The following BRD4 variants were observed in gnomAD, a reference collection of about 807,000 sequenced individuals.
The protein encoded by BRD4 is bromodomain containing 4, also known as bromodomain-containing protein 4.
BRD4 carries 16 observed loss-of-function variants against 142.1 expected under a neutral mutation model. That is an observed-to-expected ratio of 0.11 (90% CI 0.08 to 0.17). The LOEUF is 0.17. BRD4 is among the 10% of genes least tolerant of loss of function. BRD4 has a pLI of 1.00. For missense variants in BRD4, 1,424 were observed against 1,810.9 expected, an observed-to-expected ratio of 0.79 and a Z score of 3.88; for synonymous variants, 833 against 707.5, an observed-to-expected ratio of 1.18 and a Z score of -2.82.
Position 15,251,896 on chromosome 19 carries a change from G to A in BRD4, c.2158+2256C>T, listed in dbSNP as rs1466327392. Among the ~76,000 whole-genome samples, 3 of 152,182 alleles carry A rather than the reference G, an allele frequency of 2.0e-5. No homozygotes were observed. The East Asian group carries it at 5.8e-4, about 29-fold the overall frequency. On this transcript the variant is annotated intron_variant, in intron 11 of 19. Transcript: ENST00000679869. ...AGGTGGGGAGGGCGCCTGGGAAGAG[G>A]GGAAGGCCAGAGCCCAGATAGCTGC...
intron 7 of BRD4, among the ~76,000 whole-genome samples, chr19:15,263,075 G>C (rs2047491322): frequency 6.6e-6 from 1 of 152,160 alleles, no homozygotes; most frequent in African/African-American, 2.4e-5. Flanking sequence ...TCACGACTGT[G>C]ACAGCGACTT....
At chr19:15,318,083 ACT>A (rs1012307207) in intron 1 of BRD4, among the ~76,000 whole-genome samples, 17 of 152,170 alleles carry the variant, frequency 1.1e-4, no homozygotes, top group African/African-American at 2.9e-4. Flanking sequence ...CTTTCACAGA[ACT>A]CTTTCACGCA....
chr19:15,256,982 C>G lies in BRD4; in HGVS notation c.1533G>C (p.Leu511=). 3.2e-6 allele frequency: 5 copies of G among 1,578,922 alleles called. No homozygotes were observed. The highest frequency in any genetic ancestry group is 4.3e-6 in the Non-Finnish European group (5 of 1,163,200). ...CCCTCACCTGCTCCTGGAGCTCAGCCAGCCGCTGGGCTCGCTCCTCCTCAG... is the reference window on the plus strand; with the variant it reads ...CCCTCACCTGCTCCTGGAGCTCAGCGAGCCGCTGGGCTCGCTCCTCCTCAG... ...DDSEEERAQR[L]AELQEQLKAV... is the part of the protein sequence containing the mutation. The change falls in exon 8 of 20, where the codon CTG becomes CTC. Residue 511 remains leucine (L), a synonymous_variant. Transcript: ENST00000679869.
At chr19:15,281,893 C>G (rs574418334) in intron 1 of BRD4, among the ~76,000 whole-genome samples, 2 of 152,304 alleles carry the variant, frequency 1.3e-5, no homozygotes, top group East Asian at 3.9e-4. Flanking sequence ...CGGCGTGCAC[C>G]TGTAGTCCCA....
intron 1 of BRD4, among the ~76,000 whole-genome samples, chr19:15,286,535 GA>G (rs1165976171): frequency 6.6e-6 from 1 of 152,150 alleles, no homozygotes; most frequent in African/African-American, 2.4e-5. Context: ...CATTAACAGA[GA>G]AAGCAGGTAT....
intron 1 of BRD4, among the ~76,000 whole-genome samples, chr19:15,299,277 T>C (rs117559178): frequency 2.6e-5 from 4 of 152,286 alleles, no homozygotes; most frequent in Non-Finnish European, 4.4e-5. Flanking sequence ...TTAAAAAGAA[T>C]TCCCCAAGAC....
intron 1 of BRD4, among the ~76,000 whole-genome samples, chr19:15,316,155 CA>C (rs980486654): frequency 0.01 from 345 of 33,042 alleles, no homozygotes; most frequent in East Asian, 0.038. Flanking sequence ...GACACCGTCT[CA>C]AAAAAAAAAA....
At chr19:15,256,036 A>C (rs2145572639) in intron 9 of BRD4, 28 bp downstream of exon 9, 1 of 1,609,090 alleles carries the variant, frequency 6.2e-7, no homozygotes. Context: ...GAGGGTCCCC[A>C]CCCAGGACAA....
At chr19:15,297,632 T>C (rs934705832) in intron 1 of BRD4, among the ~76,000 whole-genome samples, 2 of 152,336 alleles carry the variant, frequency 1.3e-5, no homozygotes, top group East Asian at 1.9e-4. Flanking sequence ...TCACAGCAAG[T>C]TGACATCTCA....
chr19:15,257,258 C>A, intron 7 of BRD4, 85 bp from the exon 8 acceptor site: 2 of 1,319,706 alleles, frequency 1.5e-6, no homozygotes, highest in Non-Finnish European at 2.1e-6. Context: ...CTGCTGGGGC[C>A]AACTCAACAG....
intron 1 of BRD4, among the ~76,000 whole-genome samples, chr19:15,305,247 T>TA (rs1301766170): frequency 6.6e-6 from 1 of 152,136 alleles, no homozygotes; most frequent in Non-Finnish European, 1.5e-5. Context: ...TTCTCCATGT[T>TA]AGTCAGGCTG....
At chr19:15,257,761 C>T (rs890022906) in intron 7 of BRD4, among the ~76,000 whole-genome samples, 7 of 152,206 alleles carry the variant, frequency 4.6e-5, no homozygotes, top group Non-Finnish European at 1.0e-4. Context: ...AGCAGGGCTG[C>T]ACCACTGGAG....
intron 1 of BRD4, among the ~76,000 whole-genome samples, chr19:15,296,714 T>C (rs2047825808): frequency 6.6e-6 from 1 of 152,192 alleles, no homozygotes; most frequent in Non-Finnish European, 1.5e-5. Context: ...GAAGCACCAC[T>C]CCGTCCAGCG....
intron 11 of BRD4, among the ~76,000 whole-genome samples, chr19:15,252,261 C>G (rs1218579185): frequency 6.6e-6 from 1 of 152,184 alleles, no homozygotes; most frequent in Non-Finnish European, 1.5e-5. Flanking sequence ...TCTAAGGTGT[C>G]TTGTCTTGTG....
At chr19:15,310,380 C>CCA in intron 1 of BRD4, among the ~76,000 whole-genome samples, 30 of 26,808 alleles carry the variant, frequency 1.1e-3, no homozygotes, top group African/African-American at 3.4e-3. Context: ...CCCCCCCCCC[C>CCA]GAAGGAGTCT....
intron 1 of BRD4, among the ~76,000 whole-genome samples, chr19:15,329,522 C>CGAGATCAG (rs1449122021): frequency 2.6e-5 from 4 of 151,952 alleles, no homozygotes; most frequent in Non-Finnish European, 4.4e-5. Flanking sequence ...TGGCGGATCA[C>CGAGATCAG]GAGATCAGGA....
At chr19:15,330,076 G>A (rs2048143848) in intron 1 of BRD4, among the ~76,000 whole-genome samples, 2 of 152,308 alleles carry the variant, frequency 1.3e-5, no homozygotes, top group South Asian at 4.1e-4. Context: ...TTAAAACTCA[G>A]CAGCTACCTT....
chr19:15,272,771 C>A lies in BRD4; in HGVS notation c.285+44G>T, dbSNP rs34855805. 278,373 of 1,562,638 alleles carry A rather than the reference C, an allele frequency of 0.18. 25,621 individuals are homozygous for A. The highest frequency in any genetic ancestry group is 0.25 in the African/African-American group (18,143 of 73,964). On this transcript the variant is annotated intron_variant, in intron 2 of 19. Transcript: ENST00000679869. ...CCCTGACCAGGAGACATGCAGGAGACGACCTCCAGGACGGCCACCCTGGGC... is the reference window on the plus strand; with the variant it reads ...CCCTGACCAGGAGACATGCAGGAGAAGACCTCCAGGACGGCCACCCTGGGC...
chr19:15,300,947 G>C (rs1376575988), intron 1 of BRD4, among the ~76,000 whole-genome samples: 1 of 152,164 alleles, frequency 6.6e-6, no homozygotes, highest in African/African-American at 2.4e-5. Context: ...CCAAAAGAAA[G>C]AAAAACATGT....
Sources: allele counts gnomAD v4.1 joint callset (sites outside exome capture counted in the v4.1 genomes callset), GRCh38; gene constraint gnomAD v4.1.1; transcripts MANE v1.5; gene names NCBI Gene and HGNC (gene_info 2026-07-23, HGNC 2026-07-21).